AP3B1: variants seen among roughly 807,000 people sequenced by gnomAD.
AP3B1 encodes the protein AP-3 complex subunit beta-1.
AP3B1 carries 61 observed loss-of-function variants against 132.5 expected under a neutral mutation model. That is an observed-to-expected ratio of 0.46 (90% CI 0.37 to 0.57). The LOEUF (loss-of-function observed/expected upper bound fraction) is 0.57, where lower values mean the gene tolerates loss of function less well. Among genes scored for constraint, AP3B1 ranks in the 20% least tolerant of loss-of-function variants. AP3B1 has a pLI of 0.00. For missense variants in AP3B1, 1,120 were observed against 1,289.4 expected (o/e 0.87, Z 2.01); for synonymous variants, 388 against 438.3 (o/e 0.89, Z 1.43).
At chr5:78,041,472 T>C (rs946762444) in intron 22 of AP3B1, among the ~76,000 whole-genome samples, 7 of 151,574 alleles carry the variant, frequency 4.6e-5, no homozygotes, top group African/African-American at 9.7e-5. Context: ...GGTGGGAGGA[T>C]TGCCTGAGCT....
At chr5:78,272,189 T>C (rs1748575169) in intron 1 of AP3B1, among the ~76,000 whole-genome samples, 1 of 152,190 alleles carries the variant, frequency 6.6e-6, no homozygotes, top group Non-Finnish European at 1.5e-5. Context: ...AATCTTTAAA[T>C]CCACCTGTAA....
chr5:78,072,695 A>C (rs529757595), intron 22 of AP3B1, among the ~76,000 whole-genome samples: 1 of 149,258 alleles, frequency 6.7e-6, no homozygotes, highest in Non-Finnish European at 1.5e-5. Flanking sequence ...TTTGAGTAAC[A>C]ATGTGTCTGA....
intron 22 of AP3B1, among the ~76,000 whole-genome samples, chr5:78,048,178 A>G (rs1195745456): frequency 6.6e-6 from 1 of 152,172 alleles, no homozygotes; most frequent in African/African-American, 2.4e-5. Context: ...TATGACTTTA[A>G]TTATTCCTGT....
chr5:78,082,590 A>G (rs1163599610), intron 22 of AP3B1, among the ~76,000 whole-genome samples: 1 of 152,226 alleles, frequency 6.6e-6, no homozygotes, highest in Non-Finnish European at 1.5e-5. Flanking sequence ...CAAAGTCACA[A>G]TGATAATAAA....
At chr5:78,097,967 C>T (rs762008534) in intron 21 of AP3B1, among the ~76,000 whole-genome samples, 1 of 152,152 alleles carries the variant, frequency 6.6e-6, no homozygotes, top group Non-Finnish European at 1.5e-5. Context: ...TCCTGTTGAT[C>T]CTGTGACCTT....
intron 19 of AP3B1, 144 bp from the exon 20 acceptor site, chr5:78,110,498 C>G: frequency 1.7e-6 from 1 of 603,434 alleles, no homozygotes; most frequent in Non-Finnish European, 2.8e-6. Flanking sequence ...AGAACCCATT[C>G]AAATTCAATT....
chr5:78,056,157 G>A (rs921793003), intron 22 of AP3B1, among the ~76,000 whole-genome samples: 1 of 152,084 alleles, frequency 6.6e-6, no homozygotes, highest in Non-Finnish European at 1.5e-5. Context: ...TTTAAAAAAA[G>A]CAATGAAGGT....
At chr5:78,094,837 C>T (rs981234140) in intron 21 of AP3B1, among the ~76,000 whole-genome samples, 6 of 152,060 alleles carry the variant, frequency 3.9e-5, no homozygotes, top group Non-Finnish European at 7.4e-5. Flanking sequence ...TGCACCACCA[C>T]GCCTGGCTAA....
chr5:78,060,289 G>C (rs1243678951), intron 22 of AP3B1, among the ~76,000 whole-genome samples: 2 of 152,136 alleles, frequency 1.3e-5, no homozygotes, highest in Non-Finnish European at 2.9e-5. Context: ...ATAAATACAG[G>C]TGCACCAGTG....
intron 11 of AP3B1, among the ~76,000 whole-genome samples, chr5:78,174,961 G>T (rs114970888): frequency 3.9e-4 from 60 of 152,314 alleles, no homozygotes; most frequent in Non-Finnish European, 1.0e-4. Context: ...CTGCTGCCTC[G>T]CAATTCAATC....
At chr5:78,283,069 T>C (rs898741500) in intron 1 of AP3B1, among the ~76,000 whole-genome samples, 1 of 152,182 alleles carries the variant, frequency 6.6e-6, no homozygotes. Flanking sequence ...ATGGTAATCA[T>C]AATTACTATG....
intron 2 of AP3B1, among the ~76,000 whole-genome samples, chr5:78,262,813 C>G (rs1487227770): frequency 6.6e-6 from 1 of 151,226 alleles, no homozygotes; most frequent in Non-Finnish European, 1.5e-5. Context: ...GCTGGGACCA[C>G]AGGCACAGGT....
At chr5:78,075,153 A>G (rs1463177697) in intron 22 of AP3B1, among the ~76,000 whole-genome samples, 1 of 152,188 alleles carries the variant, frequency 6.6e-6, no homozygotes, top group East Asian at 1.9e-4. Flanking sequence ...ATACCCTAGT[A>G]GCAATTAAAA....
At chr5:78,118,492 A>T (rs1028454933) in intron 17 of AP3B1, among the ~76,000 whole-genome samples, 1 of 147,598 alleles carries the variant, frequency 6.8e-6, no homozygotes, top group Non-Finnish European at 1.5e-5. Flanking sequence ...GCGCTTTTCC[A>T]ACGGGCTTCA....
chr5:78,092,567 C>T (rs945661266), intron 21 of AP3B1, among the ~76,000 whole-genome samples: 2 of 152,118 alleles, frequency 1.3e-5, no homozygotes, highest in African/African-American at 4.8e-5. Flanking sequence ...TTTTAAAATA[C>T]AAAATCTAGC....
chr5:78,223,526 C>G lies in AP3B1; in HGVS notation c.603+2016G>C, dbSNP rs772960273. Among the ~76,000 whole-genome samples the G allele has an allele frequency of 1.4e-4, 22 of 152,094 alleles. No individual in the cohort carries two copies. The South Asian group carries it at 1.9e-3, about 13-fold the overall frequency. On this transcript the variant is annotated intron_variant, in intron 6 of 26. Coordinates refer to ENST00000255194, the MANE Select transcript of AP3B1 (RefSeq NM_003664.5). Reference sequence around the variant, plus strand: ...ACAGTCATTCAACAAATATTAAATACCTGTGATGAACAAGTATTCAATATT... The same window carrying G: ...ACAGTCATTCAACAAATATTAAATAGCTGTGATGAACAAGTATTCAATATT...
At chr5:78,186,110 A>G (rs1003651663) in intron 7 of AP3B1, among the ~76,000 whole-genome samples, 1 of 152,210 alleles carries the variant, frequency 6.6e-6, no homozygotes, top group African/African-American at 2.4e-5. Context: ...GGCAAAGTAG[A>G]TTAAAACCCA....
At chr5:78,255,809 TAAA>T (rs1747823888) in intron 2 of AP3B1, among the ~76,000 whole-genome samples, 1 of 152,148 alleles carries the variant, frequency 6.6e-6, no homozygotes, top group Admixed American at 6.5e-5. Flanking sequence ...CCTCAACACA[TAAA>T]TCTTTCTCAA....
At chr5:78,143,294 ACACT>A (rs999051474) in intron 14 of AP3B1, among the ~76,000 whole-genome samples, 11 of 152,110 alleles carry the variant, frequency 7.2e-5, no homozygotes, top group East Asian at 3.8e-4. Flanking sequence ...AATACTGTAA[ACACT>A]CACGATACAT....
Sources: gnomAD v4.1 joint callset for allele counts (sites outside exome capture counted in the v4.1 genomes callset) on GRCh38, gnomAD v4.1.1 for gene constraint, MANE v1.5 for transcripts, NCBI Gene and HGNC (gene_info 2026-07-23, HGNC 2026-07-21) for gene names.